DCPS: variants seen among roughly 807,000 people sequenced by gnomAD.
DCPS encodes the protein m7GpppX diphosphatase.
In DCPS, 27 loss-of-function variants were observed where a neutral mutation model predicts 34.7. The ratio of observed to expected loss-of-function variants is 0.78; its 90% CI spans 0.57 to 1.07. The LOEUF (loss-of-function observed/expected upper bound fraction) is 1.07. DCPS is among the 50% of genes least tolerant of loss of function. The pLI is 0.00. For missense variants in DCPS, 464 were observed against 436.9 expected, an observed-to-expected ratio of 1.06 and a Z score of -0.55; for synonymous variants, 185 against 185.7, an observed-to-expected ratio of 1.00 and a Z score of 0.03.
At position 126,329,331 on chromosome 11, in the gene DCPS, C is replaced by T. The variant is rs909465147; in HGVS notation, c.377-2074C>T. On this transcript the variant is annotated intron_variant, in intron 2 of 5. Transcript: ENST00000263579. This position sits in a 1 kb window ranked among gnomAD's most constrained non-coding sequence, Gnocchi z 5.0. ...GACATTTATTTAGCAACTCGTGATC[C>T]AGCTGACACGTTTTATTGAATGTAA... Among the ~76,000 whole-genome samples the T allele has an allele frequency of 1.3e-5, 2 of 152,186 alleles. No individual in the cohort carries two copies. Among genetic ancestry groups the T allele is most frequent in the African/African-American group, 2.4e-5 (1 of 41,428 alleles).
At position 126,304,110 on chromosome 11, in the gene DCPS, G is replaced by C. The variant is rs767262030; in HGVS notation, c.30G>C (p.Lys10Asn). The C allele has an allele frequency of 3.7e-6, 6 of 1,612,788 alleles. No individual in the cohort carries two copies. The African/African-American group carries it at 8.0e-5, about 22-fold the overall frequency. ...CGGACGCAGCTCCTCAACTAGGCAAGAGGAAGCGCGAATTGGACGTGGAGG... is the reference window on the plus strand; with the variant it reads ...CGGACGCAGCTCCTCAACTAGGCAACAGGAAGCGCGAATTGGACGTGGAGG... MADAAPQLG[K>N]RKRELDVEEA... The change falls in exon 1 of 6, where the codon AAG becomes AAC. Residue 10 changes from lysine to asparagine, a missense_variant. Coordinates refer to ENST00000263579, the MANE Select transcript of DCPS (RefSeq NM_014026.6).
Position 126,332,185 on chromosome 11 carries a change from G to A in DCPS, c.522+635G>A, listed in dbSNP as rs777749951. On this transcript the variant is annotated intron_variant, in intron 3 of 5. Transcript: ENST00000263579. The surrounding 1 kb of genome is among the most constrained non-coding windows in gnomAD (Gnocchi z 5.4). ...CCCTCACCGACTCCCCCTTGCATTC[G>A]TCCAAAAGAAGGCAGGACCCCATTG... Among the ~76,000 whole-genome samples the A allele has an allele frequency of 6.6e-6, 1 of 152,084 alleles. No homozygotes were observed. Among genetic ancestry groups the A allele is most frequent in the East Asian group, 1.9e-4 (1 of 5,182 alleles).
chr11:126,306,293 A>T (rs538678607), intron 1 of DCPS, among the ~76,000 whole-genome samples: 4 of 151,922 alleles, frequency 2.6e-5, no homozygotes, highest in Non-Finnish European at 5.9e-5. Context: ...GAATTGTTTG[A>T]GCCCAGGAGG....
chr11:126,345,677 A>G lies in DCPS; in HGVS notation c.*64A>G. 3 of 1,566,862 alleles carry G rather than the reference A, an allele frequency of 1.9e-6. No homozygotes were observed. Among genetic ancestry groups the G allele is most frequent in the Non-Finnish European group, 2.6e-6 (3 of 1,159,036 alleles). ...GGGAGGAGTGGGGACAAGATTTTTTATCTCCAAGTGAATTTTCTAAAAATG... is the reference window on the plus strand; with the variant it reads ...GGGAGGAGTGGGGACAAGATTTTTTGTCTCCAAGTGAATTTTCTAAAAATG... On this transcript the variant is annotated 3_prime_UTR_variant, in exon 6 of 6. Transcript: ENST00000263579. The surrounding 1 kb of genome is among the most constrained non-coding windows in gnomAD (Gnocchi z 7.4).
Position 126,344,096 on chromosome 11 carries a change from G to A in DCPS, c.747+679G>A, listed in dbSNP as rs920566944. ...CACCATCCTAAGGGGCTGGGTCTGA[G>A]TCTTTTTTCCACTCTGAAATGTGAT... On this transcript the variant is annotated intron_variant, in intron 5 of 5. Transcript: ENST00000263579. The surrounding 1 kb of genome is among the most constrained non-coding windows in gnomAD (Gnocchi z 8.1). Among the ~76,000 whole-genome samples, 2 of 151,786 alleles carry A rather than the reference G, an allele frequency of 1.3e-5. No individual in the cohort carries two copies. The highest frequency in any genetic ancestry group is 2.9e-5 in the Non-Finnish European group (2 of 67,988).
rs1273556968 is a variant in DCPS at position 126,343,349 on chromosome 11, A to G, written c.679A>G (p.Ile227Val). The change falls in exon 5 of 6, where the codon ATC (isoleucine) becomes GTC (valine). Residue 227 changes from isoleucine to valine, a missense_variant. Physicochemically the swap from Ile to Val is conservative, Grantham distance 29 (BLOSUM62 3). Coordinates refer to ENST00000263579, the MANE Select transcript of DCPS (RefSeq NM_014026.6). Reference sequence around the variant, plus strand: ...GATCGCCATCTGCCATCGCCGGGGCATCAGATCCCTACGCGACCTTACTCC... The same window carrying G: ...GATCGCCATCTGCCATCGCCGGGGCGTCAGATCCCTACGCGACCTTACTCC... ...YLIAICHRRG[I>V]RSLRDLTPEH... is the part of the protein sequence containing the mutation. The G allele has an allele frequency of 1.2e-6, 2 of 1,614,018 alleles. No homozygotes were observed. The highest frequency in any genetic ancestry group is 1.1e-5 in the South Asian group (1 of 91,048).
In DCPS at chr11:126,329,371, C is replaced by G. The variant is rs1193560941; in HGVS notation, c.377-2034C>G. The stretch of plus-strand genomic sequence containing the variant: ...ATTGAATGTAAACAACTCTGTGAGG[C>G]AGATTTGATGACCACCCTTTAATAG... On this transcript the variant is annotated intron_variant, in intron 2 of 5. Transcript: ENST00000263579. This position sits in a 1 kb window ranked among gnomAD's most constrained non-coding sequence, Gnocchi z 5.0. Among the ~76,000 whole-genome samples the G allele has an allele frequency of 6.6e-6, 1 of 152,198 alleles. No homozygotes were observed. Among genetic ancestry groups the G allele is most frequent in the Non-Finnish European group, 1.5e-5 (1 of 68,038 alleles).
chr11:126,306,490 C>G, intron 1 of DCPS, 80 bp from the exon 2 acceptor site: 1 of 1,407,870 alleles, frequency 7.1e-7, no homozygotes, highest in Non-Finnish European at 9.4e-7. Flanking sequence ...AATTCAAAGG[C>G]CCTGGGAGCT....
Position 126,338,077 on chromosome 11 carries a change from G to T in DCPS, c.523-209G>T. The stretch of plus-strand genomic sequence containing the variant: ...GATGACGCATGGCTGAGTGCCAGCT[G>T]GAGTGGGAAGGGGGAAGTCCCTTCT... On this transcript the variant is annotated intron_variant, in intron 3 of 5. Coordinates refer to ENST00000263579, the MANE Select transcript of DCPS (RefSeq NM_014026.6). This position sits in a 1 kb window ranked among gnomAD's most constrained non-coding sequence, Gnocchi z 5.4. The T allele has an allele frequency of 1.7e-6, 1 of 576,224 alleles. No homozygotes were observed. The allele number at this position is 576,224 out of a possible 1,614,324, so 35.7% of individuals were successfully genotyped here.
intron 1 of DCPS, 34 bp downstream of exon 1, chr11:126,304,315 A>T (rs764358884): frequency 6.2e-7 from 1 of 1,611,848 alleles, no homozygotes; most frequent in Non-Finnish European, 8.5e-7. Context: ...GGGATGCGGG[A>T]AGCAGTGAAC....
rs1951853321 is a variant in DCPS, at chr11:126,338,565, C to T, written c.636+166C>T. On this transcript the variant is annotated intron_variant, in intron 4 of 5. Coordinates refer to ENST00000263579, the MANE Select transcript of DCPS (RefSeq NM_014026.6). The surrounding 1 kb of genome is among the most constrained non-coding windows in gnomAD (Gnocchi z 5.4). ...GGGGACTGGGTGGATACCTGTCATA[C>T]ATAAGTGCTTTTGCTTTAATGGGTC... 1.3e-5 allele frequency among the ~76,000 whole-genome samples: 2 copies of T among 152,220 alleles called. 1 individual carries two copies. The highest frequency in any genetic ancestry group is 4.1e-4 in the South Asian group (2 of 4,830).
rs1296814781 is a variant in DCPS at position 126,335,254 on chromosome 11, G to T, written c.523-3032G>T. Among the ~76,000 whole-genome samples, 1 of 152,198 alleles carries T rather than the reference G, an allele frequency of 6.6e-6. No individual in the cohort carries two copies. Among genetic ancestry groups the T allele is most frequent in the Non-Finnish European group, 1.5e-5 (1 of 68,044 alleles). ...CACGGGAGGTCAAGGCGGGAGAGAG[G>T]GTACCGAGGGAGCTGCCAATGTCAC... On this transcript the variant is annotated intron_variant, in intron 3 of 5. Transcript: ENST00000263579. The surrounding 1 kb of genome is among the most constrained non-coding windows in gnomAD (Gnocchi z 4.8).
rs1951735264 is a variant in DCPS at position 126,325,816 on chromosome 11, G to C, written c.377-5589G>C. Among the ~76,000 whole-genome samples the C allele has an allele frequency of 6.6e-6, 1 of 152,124 alleles. No individual in the cohort carries two copies. Among genetic ancestry groups the C allele is most frequent in the Admixed American group, 6.6e-5 (1 of 15,266 alleles). The stretch of plus-strand genomic sequence containing the variant: ...AGGGTTTATGGTTATCCCAGGCTGT[G>C]TTTGGAGAATGCCAGCAGGAAGGCC... On this transcript the variant is annotated intron_variant, in intron 2 of 5. Transcript: ENST00000263579. This position sits in a 1 kb window ranked among gnomAD's most constrained non-coding sequence, Gnocchi z 4.3.
At chr11:126,339,896 G>A (rs3758829) in intron 4 of DCPS, among the ~76,000 whole-genome samples, 37,184 of 152,036 alleles carry the variant, frequency 0.24, 5,340 homozygotes, top group African/African-American at 0.39. Context: ...GGTCACAGGA[G>A]GCGGGGCCCA....
chr11:126,304,392 C>T (rs931722774), intron 1 of DCPS, 111 bp downstream of exon 1: 2 of 1,270,960 alleles, frequency 1.6e-6, no homozygotes, highest in Non-Finnish European at 2.2e-6. Context: ...ATCATTATCA[C>T]TCCGGGGAGG....
rs960208128 is a variant in DCPS at position 126,337,052 on chromosome 11, T to C, written c.523-1234T>C. 6.6e-6 allele frequency: 1 copy of C among 152,288 alleles called. No homozygotes were observed. The highest frequency in any genetic ancestry group is 1.5e-5 in the Non-Finnish European group (1 of 68,132). 9.4% of individuals were successfully genotyped at this position (152,288 alleles called of 1,614,324 possible). On this transcript the variant is annotated intron_variant, in intron 3 of 5. Transcript: ENST00000263579. This position sits in a 1 kb window ranked among gnomAD's most constrained non-coding sequence, Gnocchi z 5.3. ...CCTCCAGGCTCAAGGTGTGAGGTTG[T>C]GTGGACCATAAGGCAGTCCCCGTGC...
intron 1 of DCPS, 85 bp downstream of exon 1, chr11:126,304,366 C>A (rs975728987): frequency 6.7e-7 from 1 of 1,498,354 alleles, no homozygotes. Flanking sequence ...TTTCGGATCT[C>A]GGCTGGAAAA....
rs776201999 is a variant in DCPS at position 126,345,640 on chromosome 11, G to A, written c.*27G>A. 1.2e-6 allele frequency: 2 copies of A among 1,600,346 alleles called. No homozygotes were observed. The highest frequency in any genetic ancestry group is 1.7e-6 in the Non-Finnish European group (2 of 1,171,720). ...TTAACTCAGGCAGAAGAGCACAGAT[G>A]TGTGGGATTGGGGGAGGAGTGGGGA... is the stretch of plus-strand genomic sequence containing the variant. On this transcript the variant is annotated 3_prime_UTR_variant, in exon 6 of 6. Transcript: ENST00000263579. The surrounding 1 kb of genome is among the most constrained non-coding windows in gnomAD (Gnocchi z 7.4).
chr11:126,345,572 G>T lies in DCPS; in HGVS notation c.973G>T (p.Asp325Tyr). 5 of 1,613,682 alleles carry T rather than the reference G, an allele frequency of 3.1e-6. No individual in the cohort carries two copies. Among genetic ancestry groups the T allele is most frequent in the Non-Finnish European group, 4.2e-6 (5 of 1,180,008 alleles). Residue 325 changes from aspartate (D) to tyrosine (Y), a missense_variant, in exon 6 of 6, where the codon GAC becomes TAC. Asp to Tyr is a radical substitution (Grantham distance 160, BLOSUM62 -3). Coordinates refer to ENST00000263579, the MANE Select transcript of DCPS (RefSeq NM_014026.6). This position sits in a 1 kb window ranked among gnomAD's most constrained non-coding sequence, Gnocchi z 7.4. ...GCTCACCTTCGCCCTCAGGGCTGACGACCCCCTGCTCAAGCTCTTGCAGGA... is the reference window on the plus strand; with the variant it reads ...GCTCACCTTCGCCCTCAGGGCTGACTACCCCCTGCTCAAGCTCTTGCAGGA... ...RTLTFALRAD[D>Y]PLLKLLQEAQ...
Sources: allele counts gnomAD v4.1 joint callset (sites outside exome capture counted in the v4.1 genomes callset), GRCh38; gene constraint gnomAD v4.1.1; non-coding constraint Gnocchi (gnomAD v3.1); transcripts MANE v1.5; gene names NCBI Gene and HGNC (gene_info 2026-07-23, HGNC 2026-07-21).